SSUH2: variants seen among roughly 807,000 people sequenced by gnomAD.
SSUH2 encodes the protein protein SSUH2 homolog.
In SSUH2, 47 loss-of-function variants were observed where a neutral mutation model predicts 55.3. The ratio of observed to expected loss-of-function variants is 0.85; its 90% CI spans 0.67 to 1.08. The LOEUF is 1.08. Ranked by LOEUF, SSUH2 falls within the 50% of genes least tolerant of loss-of-function variation. The probability of loss-of-function intolerance (pLI) is 0.00; values close to 1 mark genes in which losing one functional copy is unlikely to be tolerated. For synonymous variants in SSUH2, 212 were observed against 191.5 expected (o/e 1.11, Z -0.89); for missense variants, 535 against 490.7 (o/e 1.09, Z -0.85).
chr3:8,673,342 C>T (rs1704830912), intron 3 of SSUH2, among the ~76,000 whole-genome samples: 1 of 152,016 alleles, frequency 6.6e-6, no homozygotes, highest in African/African-American at 2.4e-5. Flanking sequence ...CGGTAAGTCA[C>T]ATTGCGCCAT....
intron 2 of SSUH2, among the ~76,000 whole-genome samples, chr3:8,678,577 A>AGT (rs1705626510): frequency 1.2e-5 from 1 of 82,254 alleles, no homozygotes; most frequent in South Asian, 5.0e-4. Context: ...AGAGGGGGGA[A>AGT]CACCCCCCGC....
intron 10 of SSUH2, among the ~76,000 whole-genome samples, chr3:8,624,318 C>T (rs1017025064): frequency 3.9e-5 from 6 of 152,170 alleles, no homozygotes; most frequent in Admixed American, 2.6e-4. Context: ...GAGGGTGAGA[C>T]GGTGGTCAGA....
At chr3:8,661,285 A>G (rs1290106596) in intron 6 of SSUH2, among the ~76,000 whole-genome samples, 1 of 152,132 alleles carries the variant, frequency 6.6e-6, no homozygotes, top group African/African-American at 2.4e-5. Context: ...CCAAAATCTC[A>G]TTCATCTTTC....
chr3:8,627,858 C>CA, intron 7 of SSUH2, 75 bp from the exon 8 acceptor site: 2 of 1,368,360 alleles, frequency 1.5e-6, no homozygotes, highest in Non-Finnish European at 2.0e-6. Flanking sequence ...AGACCTGGTT[C>CA]AAATCCCAGC....
intron 4 of SSUH2, among the ~76,000 whole-genome samples, chr3:8,633,334 G>A (rs1042826302): frequency 1.3e-5 from 2 of 151,938 alleles, no homozygotes; most frequent in African/African-American, 4.8e-5. Context: ...AGTACAGATG[G>A]GGTTTCACCA....
intron 7 of SSUH2, 74 bp downstream of exon 7, chr3:8,629,590 C>G: frequency 1.4e-6 from 2 of 1,444,520 alleles, no homozygotes; most frequent in African/African-American, 1.4e-5. Context: ...AGGCCACCAG[C>G]CCAGCCCGCT....
chr3:8,634,233 A>C (rs904634468), intron 3 of SSUH2: 3 of 584,542 alleles, frequency 5.1e-6, no homozygotes, highest in Non-Finnish European at 8.2e-6. Context: ...CATGATGGGA[A>C]GACCCCAGCC....
upstream of SSUH2, among the ~76,000 whole-genome samples, chr3:8,648,745 C>A (rs1424619231): frequency 6.6e-6 from 1 of 152,178 alleles, no homozygotes; most frequent in East Asian, 1.9e-4. Context: ...TCCCAAAACA[C>A]AGGTGGGGAA....
chr3:8,650,810 C>T (rs1702311108), intron 7 of SSUH2, among the ~76,000 whole-genome samples: 1 of 152,194 alleles, frequency 6.6e-6, no homozygotes, highest in African/African-American at 2.4e-5. Flanking sequence ...GAAGACATTT[C>T]CCAGGGAGCT....
intron 11 of SSUH2, 184 bp downstream of exon 11, chr3:8,623,365 C>T (rs1045057750): frequency 7.9e-6 from 4 of 509,538 alleles, no homozygotes; most frequent in Admixed American, 6.8e-5. Context: ...CCTGCCTCTG[C>T]GTCTTACTTG....
At chr3:8,628,933 G>A (rs547172599) in intron 7 of SSUH2, among the ~76,000 whole-genome samples, 1 of 152,362 alleles carries the variant, frequency 6.6e-6, no homozygotes, top group South Asian at 2.1e-4. Context: ...TCCGCTCACT[G>A]CAAGCTCTGC....
chr3:8,673,932 A>C (rs1704910295), intron 3 of SSUH2, among the ~76,000 whole-genome samples: 1 of 152,202 alleles, frequency 6.6e-6, no homozygotes, highest in Non-Finnish European at 1.5e-5. Flanking sequence ...TGTGAGGCCT[A>C]AGGTATGTAT....
chr3:8,671,484 A>G (rs1367217508), intron 4 of SSUH2, among the ~76,000 whole-genome samples: 1 of 152,042 alleles, frequency 6.6e-6, no homozygotes, highest in Non-Finnish European at 1.5e-5. Flanking sequence ...ATTATGAATA[A>G]TATCAAACGG....
chr3:8,662,766 T>C (rs115469436), intron 6 of SSUH2, among the ~76,000 whole-genome samples: 4,401 of 152,252 alleles, frequency 0.029, 98 homozygotes, highest in Admixed American at 0.051. Flanking sequence ...CAGATGTCAT[T>C]TCCTACCTTA....
At chr3:8,664,257 T>C (rs1243221386) in intron 5 of SSUH2, among the ~76,000 whole-genome samples, 1 of 152,254 alleles carries the variant, frequency 6.6e-6, no homozygotes, top group Non-Finnish European at 1.5e-5. Flanking sequence ...CGTGTTCTTC[T>C]CAGCAACTTC....
Position 8,680,994 on chromosome 3 carries a change from C to A in SSUH2, c.-1046+897G>T, listed in dbSNP as rs548105642. Among the ~76,000 whole-genome samples, 3 of 151,252 alleles carry A rather than the reference C, an allele frequency of 2.0e-5. 1 individual carries two copies. The highest frequency in any genetic ancestry group is 4.4e-5 in the Non-Finnish European group (3 of 67,498). ...CTCTTCCCTCCCTGGCTCTTAGGAC[C>A]CCCATCGCAGTGGGGGAGGCAACCT... On this transcript the variant is annotated intron_variant, in intron 1 of 18. Transcript: ENST00000317371.
At chr3:8,678,346 C>G (rs1705587468) in intron 2 of SSUH2, among the ~76,000 whole-genome samples, 1 of 152,072 alleles carries the variant, frequency 6.6e-6, no homozygotes, top group African/African-American at 2.4e-5. Context: ...GGAGTCATAT[C>G]TGTCTATTAT....
At chr3:8,681,253 A>ACC (rs1705926308) in intron 1 of SSUH2, among the ~76,000 whole-genome samples, 1 of 107,822 alleles carries the variant, frequency 9.3e-6, no homozygotes. Flanking sequence ...GGTGGGAGGA[A>ACC]CCCCGTGAGG....
chr3:8,648,721 C>T (rs1015925642), upstream of SSUH2, among the ~76,000 whole-genome samples: 8 of 152,130 alleles, frequency 5.3e-5, no homozygotes, highest in African/African-American at 1.9e-4. Context: ...TAGCTGAGGC[C>T]CCTCTTGGAA....
Sources: allele counts gnomAD v4.1 joint callset (sites outside exome capture counted in the v4.1 genomes callset), GRCh38; gene constraint gnomAD v4.1.1; transcripts MANE v1.5; gene names NCBI Gene and HGNC (gene_info 2026-07-23, HGNC 2026-07-21).